The following ACTR10 variants were observed in gnomAD, a reference collection of about 807,000 sequenced individuals.
ACTR10 encodes actin related protein 10.
A neutral mutation model predicts 56.2 loss-of-function variants in ACTR10; 43 were observed. The ratio of observed to expected loss-of-function variants is 0.77; its 90% CI spans 0.60 to 0.99. ACTR10 has a LOEUF of 0.99. Ranked by LOEUF, ACTR10 falls within the 50% of genes least tolerant of loss-of-function variation. The probability of loss-of-function intolerance (pLI) is 0.00; values close to 1 mark genes in which losing one functional copy is unlikely to be tolerated. For missense variants in ACTR10, 466 were observed against 507.8 expected, an observed-to-expected ratio of 0.92 and a Z score of 0.79; for synonymous variants, 170 against 176.3, an observed-to-expected ratio of 0.96 and a Z score of 0.28.
At chr14:58,203,443 G>A (rs891499193) in intron 2 of ACTR10, among the ~76,000 whole-genome samples, 6 of 151,562 alleles carry the variant, frequency 4.0e-5, no homozygotes, top group Admixed American at 3.3e-4. Flanking sequence ...TGTTGTACAA[G>A]TACCACCACA....
chr14:58,200,442 T>G, intron 1 of ACTR10, 148 bp downstream of exon 1: 1 of 533,822 alleles, frequency 1.9e-6, no homozygotes, highest in Non-Finnish European at 2.9e-6. Context: ...ATAACAGCTC[T>G]TATTATTTCC....
At chr14:58,224,653 A>G (rs886071477) in intron 10 of ACTR10, among the ~76,000 whole-genome samples, 2 of 152,176 alleles carry the variant, frequency 1.3e-5, no homozygotes, top group African/African-American at 2.4e-5. Flanking sequence ...GGCAGGAAGT[A>G]TGACACTTTA....
intron 12 of ACTR10, 116 bp downstream of exon 12, chr14:58,232,383 T>A: frequency 4.4e-6 from 2 of 450,642 alleles, no homozygotes. Context: ...ACTTTATAAA[T>A]AGAACTAACA....
At position 58,206,443 on chromosome 14, in the gene ACTR10, A is replaced by T. The variant is rs542794647; in HGVS notation, c.151-1493A>T. On this transcript the variant is annotated intron_variant, in intron 2 of 12. Coordinates refer to ENST00000254286, the MANE Select transcript of ACTR10 (RefSeq NM_018477.3). The stretch of plus-strand genomic sequence containing the variant: ...GGTGATCCACCCGCCTTGACCTCCC[A>T]AAGTGTTGGGATTACAGGCATGAGC... 4.6e-5 allele frequency among the ~76,000 whole-genome samples: 7 copies of T among 152,058 alleles called. No homozygotes were observed. In the South Asian group the frequency reaches 1.5e-3, roughly 32 times the overall value.
At chr14:58,230,072 C>A (rs1045991225) in intron 10 of ACTR10, among the ~76,000 whole-genome samples, 1 of 152,070 alleles carries the variant, frequency 6.6e-6, no homozygotes, top group East Asian at 1.9e-4. Flanking sequence ...TATTTCTTTT[C>A]TCTTATTAGG....
In ACTR10 at chr14:58,232,151, T is replaced by G. The variant is rs201210859; in HGVS notation, c.956T>G (p.Leu319Trp). Residue 319 changes from leucine to tryptophan, a missense_variant, in exon 12 of 13, where the codon TTG (leucine) becomes TGG (tryptophan). By Grantham distance (61) the Leu-to-Trp change is moderately conservative. Coordinates refer to ENST00000254286, the MANE Select transcript of ACTR10 (RefSeq NM_018477.3). ...ATGTTGCCAGGATTTCTCCACAGAT[T>G]GCTTGCAGAAATAAGGTATTTGGTA... ...TSMLPGFLHRLLAEIRYLVEK... is the reference protein window; with the variant it reads ...TSMLPGFLHRWLAEIRYLVEK... 58 of 1,613,930 alleles carry G rather than the reference T, an allele frequency of 3.6e-5. No homozygotes were observed. Among genetic ancestry groups the G allele is most frequent in the Non-Finnish European group, 4.8e-5 (57 of 1,179,948 alleles).
In ACTR10 at chr14:58,202,784, A is replaced by G. The variant is rs1888756564; in HGVS notation, c.78-71A>G. 3.7e-6 allele frequency: 4 copies of G among 1,089,944 alleles called. No homozygotes were observed. In the Admixed American group the frequency reaches 8.7e-5, roughly 24 times the overall value. The allele number at this position is 1,089,944 out of a possible 1,614,324, so 67.5% of individuals were successfully genotyped here. The stretch of plus-strand genomic sequence containing the variant: ...GGCCATTGTTTTGAAACAAATACAG[A>G]GAAAATTAGTTTCTGTGACAAATAT... On this transcript the variant is annotated intron_variant, in intron 1 of 12. Coordinates refer to ENST00000254286, the MANE Select transcript of ACTR10 (RefSeq NM_018477.3).
intron 7 of ACTR10, among the ~76,000 whole-genome samples, chr14:58,216,999 C>T (rs557270663): frequency 6.6e-6 from 1 of 152,258 alleles, no homozygotes; most frequent in East Asian, 1.9e-4. Context: ...CCTATGTTTT[C>T]CTGTTGTTCC....
intron 10 of ACTR10, among the ~76,000 whole-genome samples, chr14:58,225,207 G>T (rs1889369724): frequency 6.6e-6 from 1 of 152,130 alleles, no homozygotes; most frequent in Non-Finnish European, 1.5e-5. Context: ...TTGTTAGAAA[G>T]AATGCATTTT....
Position 58,235,440 on chromosome 14 carries a change from C to G in ACTR10, c.*889C>G, listed in dbSNP as rs776126654. On this transcript the variant is annotated 3_prime_UTR_variant, in exon 13 of 13. Transcript: ENST00000254286. ...TTTACAGTTTTTTTAATGAGCAATT[C>G]TACATTTCTAAGAAAAAAGATACTT... The G allele has an allele frequency of 2.4e-4, 36 of 151,728 alleles. No homozygotes were observed. The highest frequency in any genetic ancestry group is 2.0e-3 in the Admixed American group (31 of 15,224). The allele number at this position is 151,728 out of a possible 1,614,324, so 9.4% of individuals were successfully genotyped here.
intron 1 of ACTR10, among the ~76,000 whole-genome samples, chr14:58,201,777 G>A (rs765324810): frequency 6.6e-6 from 1 of 152,088 alleles, no homozygotes; most frequent in Non-Finnish European, 1.5e-5. Context: ...AAGCTGAGGC[G>A]GGCTGACCAC....
In ACTR10 at chr14:58,200,160, G is replaced by C; in HGVS notation, c.-58G>C. On this transcript the variant is annotated 5_prime_UTR_variant, in exon 1 of 13. Coordinates refer to ENST00000254286, the MANE Select transcript of ACTR10 (RefSeq NM_018477.3). The stretch of plus-strand genomic sequence containing the variant: ...GGAGCCCCGGCCCCGCCCCGCGAGC[G>C]CCGAGACTTGTTGGCCGCGGAGACT... 20 of 1,337,864 alleles carry C rather than the reference G, an allele frequency of 1.5e-5. No homozygotes were observed. The highest frequency in any genetic ancestry group is 2.0e-5 in the Non-Finnish European group (20 of 1,025,010). The allele number at this position is 1,337,864 out of a possible 1,614,324, so 82.9% of individuals were successfully genotyped here. A position where few individuals can be genotyped will look rare whatever the true frequency, so the allele number is the denominator to read the frequency against.
intron 7 of ACTR10, among the ~76,000 whole-genome samples, chr14:58,215,776 A>G (rs934783804): frequency 6.6e-6 from 1 of 151,872 alleles, no homozygotes; most frequent in Non-Finnish European, 1.5e-5. Flanking sequence ...CATATTTCCA[A>G]CTGATTATTA....
chr14:58,231,663 A>G (rs1468153430), intron 11 of ACTR10, among the ~76,000 whole-genome samples: 5 of 152,198 alleles, frequency 3.3e-5, no homozygotes, highest in Admixed American at 3.3e-4. Context: ...GGCACTGTGA[A>G]TACACCTTAG....
intron 10 of ACTR10, among the ~76,000 whole-genome samples, chr14:58,229,583 C>A (rs768021287): frequency 6.7e-6 from 1 of 150,236 alleles, no homozygotes; most frequent in Admixed American, 6.7e-5. Flanking sequence ...GTGGCTGAGG[C>A]AGGAGAATGG....
At position 58,200,261 on chromosome 14, in the gene ACTR10, C is replaced by T; in HGVS notation, c.44C>T (p.Ala15Val). Residue 15 changes from alanine to valine, a missense_variant, in exon 1 of 13, where the codon GCG becomes GTG. Physicochemically the swap from Ala to Val is moderately conservative, Grantham distance 64 (BLOSUM62 0). Coordinates refer to ENST00000254286, the MANE Select transcript of ACTR10 (RefSeq NM_018477.3). ...EGLGSGGEKT[A>V]VVIDLGEAFT... ...CTGGGGAGCGGCGGGGAGAAGACGG[C>T]GGTCGTGATCGACCTGGGAGAGGCC... 1.3e-6 allele frequency: 2 copies of T among 1,512,656 alleles called. No individual in the cohort carries two copies. Among genetic ancestry groups the T allele is most frequent in the Admixed American group, 2.3e-5 (1 of 42,804 alleles). The allele number at this position is 1,512,656 out of a possible 1,614,324, so 93.7% of individuals were successfully genotyped here. A position where few individuals can be genotyped will look rare whatever the true frequency, so the allele number is the denominator to read the frequency against.
chr14:58,209,550 G>T (rs909979628), intron 4 of ACTR10, among the ~76,000 whole-genome samples: 2 of 151,830 alleles, frequency 1.3e-5, no homozygotes, highest in African/African-American at 4.8e-5. Context: ...TCTGAATTTT[G>T]TCATTTTAGG....
chr14:58,232,308 T>G (rs1889557878), intron 12 of ACTR10, 41 bp downstream of exon 12: 1 of 1,520,710 alleles, frequency 6.6e-7, no homozygotes. Context: ...TATATAGTAT[T>G]TGGTCTCTGA....
intron 10 of ACTR10, among the ~76,000 whole-genome samples, chr14:58,224,998 AAAAAAATT>A (rs1212374184): frequency 6.6e-6 from 1 of 152,044 alleles, no homozygotes; most frequent in Admixed American, 6.6e-5. Flanking sequence ...TCAAAAAAAA[AAAAAAATT>A]GCTCAGGCTT....
Sources: allele counts gnomAD v4.1 joint callset (sites outside exome capture counted in the v4.1 genomes callset), GRCh38; gene constraint gnomAD v4.1.1; transcripts MANE v1.5; gene names NCBI Gene and HGNC (gene_info 2026-07-23, HGNC 2026-07-21).